Variants in ENTREP2 observed in about 807,000 individuals in gnomAD.
The protein encoded by ENTREP2 is endosomal transmembrane epsin interactor 2.
the ENTREP2 span, among the ~76,000 whole-genome samples, chr15:29,310,387 C>T: frequency 7.9e-5 from 12 of 152,282 alleles, no homozygotes; most frequent in South Asian, 2.1e-3. Context: ...GGACGGATGA[C>T]GCTCACTGGA....
the ENTREP2 span, among the ~76,000 whole-genome samples, chr15:29,490,867 G>T: frequency 2.2e-4 from 33 of 152,328 alleles, no homozygotes; most frequent in African/African-American, 7.7e-4. Context: ...CACTCCAGGC[G>T]CCTGCTCTCC....
the ENTREP2 span, among the ~76,000 whole-genome samples, chr15:29,409,304 A>T: frequency 2.0e-5 from 3 of 151,860 alleles, no homozygotes; most frequent in Non-Finnish European, 4.4e-5. Context: ...CATTGTTTTC[A>T]TATTATACTC....
chr15:29,226,440 G>A, the ENTREP2 span, among the ~76,000 whole-genome samples: 1 of 152,128 alleles, frequency 6.6e-6, no homozygotes, highest in African/African-American at 2.4e-5. Context: ...TCATGACAAC[G>A]CACAAATAGC....
the ENTREP2 span, among the ~76,000 whole-genome samples, chr15:29,322,964 A>G: frequency 8.7e-4 from 133 of 152,358 alleles, 1 homozygote; most frequent in African/African-American, 3.1e-3. Context: ...CGGTAATAAT[A>G]GTCAACATCT....
the ENTREP2 span, among the ~76,000 whole-genome samples, chr15:29,420,162 T>G: frequency 6.6e-6 from 1 of 152,206 alleles, no homozygotes; most frequent in Non-Finnish European, 1.5e-5. Context: ...AATGGGCACC[T>G]CTGGAAGTGG....
the ENTREP2 span, among the ~76,000 whole-genome samples, chr15:29,531,488 T>C: frequency 6.6e-6 from 1 of 152,044 alleles, no homozygotes; most frequent in Non-Finnish European, 1.5e-5. Context: ...GGGCAGAACA[T>C]GAAGGGCAGC....
the ENTREP2 span, among the ~76,000 whole-genome samples, chr15:29,221,572 TGGCACTCCTGA>T: frequency 6.6e-6 from 1 of 152,142 alleles, no homozygotes; most frequent in Non-Finnish European, 1.5e-5. Context: ...AAAATAAGAC[TGGCACTCCTGA>T]GGCACTCTTA....
At chr15:29,155,908 T>C in the ENTREP2 span, among the ~76,000 whole-genome samples, 684 of 152,176 alleles carry the variant, frequency 4.5e-3, 7 homozygotes, top group African/African-American at 0.015. Flanking sequence ...TTGTTTGCGT[T>C]TTCTAATGTT....
the ENTREP2 span, among the ~76,000 whole-genome samples, chr15:29,390,088 C>G: frequency 2.0e-5 from 3 of 152,172 alleles, no homozygotes; most frequent in African/African-American, 4.8e-5. Flanking sequence ...CCTGGAGAGG[C>G]CAGCTCTGGC....
chr15:29,421,424 AATCAAAG>A, the ENTREP2 span, among the ~76,000 whole-genome samples: 1 of 152,236 alleles, frequency 6.6e-6, no homozygotes, highest in African/African-American at 2.4e-5. Flanking sequence ...ACAACCAATT[AATCAAAG>A]ATAGCAGAAT....
chr15:29,389,103 T>TA, the ENTREP2 span, among the ~76,000 whole-genome samples: 66 of 150,542 alleles, frequency 4.4e-4, no homozygotes, highest in African/African-American at 1.6e-3. Context: ...CCCTAGAACT[T>TA]AAAGTATAAT....
At chr15:29,672,941 T>A in the ENTREP2 span, among the ~76,000 whole-genome samples, 1 of 152,106 alleles carries the variant, frequency 6.6e-6, no homozygotes, top group African/African-American at 2.4e-5. Context: ...CATGAGCTGC[T>A]CGAGGGAGTA....
the ENTREP2 span, among the ~76,000 whole-genome samples, chr15:29,243,143 A>C: frequency 6.6e-6 from 1 of 152,212 alleles, no homozygotes; most frequent in Admixed American, 6.5e-5. Flanking sequence ...GAACACACAC[A>C]CACAGACACA....
the ENTREP2 span, among the ~76,000 whole-genome samples, chr15:29,262,901 C>G: frequency 1.3e-5 from 2 of 152,072 alleles, no homozygotes; most frequent in African/African-American, 4.8e-5. Flanking sequence ...TGGAGGACAC[C>G]CAGCTGGTAT....
the ENTREP2 span, among the ~76,000 whole-genome samples, chr15:29,472,428 A>AACACACACACAC: frequency 8.3e-3 from 1,173 of 140,680 alleles, 10 homozygotes; most frequent in East Asian, 0.015. Context: ...CACAACACAC[A>AACACACACACAC]ACACACACAC....
chr15:29,212,969 A>C, the ENTREP2 span, among the ~76,000 whole-genome samples: 1 of 152,208 alleles, frequency 6.6e-6, no homozygotes, highest in Non-Finnish European at 1.5e-5. Flanking sequence ...GATTTTGTAT[A>C]AGGTGTAAGG....
the ENTREP2 span, among the ~76,000 whole-genome samples, chr15:29,596,696 C>T: frequency 6.6e-6 from 1 of 151,906 alleles, no homozygotes; most frequent in Non-Finnish European, 1.5e-5. Flanking sequence ...TAGACAGATT[C>T]TTGCTCTGTT....
At chr15:29,246,152 G>A in the ENTREP2 span, among the ~76,000 whole-genome samples, 1 of 152,186 alleles carries the variant, frequency 6.6e-6, no homozygotes, top group South Asian at 2.1e-4. Flanking sequence ...AGCACTTTGG[G>A]AGGCCAAGGC....
the ENTREP2 span, among the ~76,000 whole-genome samples, chr15:29,226,013 C>A: frequency 2.0e-5 from 3 of 152,198 alleles, no homozygotes; most frequent in African/African-American, 4.8e-5. Flanking sequence ...CACAGCCCCC[C>A]ACGTCTTTCT....
Sources: gnomAD v4.1 joint callset for allele counts (sites outside exome capture counted in the v4.1 genomes callset) on GRCh38, gnomAD v4.1.1 for gene constraint, MANE v1.5 for transcripts, NCBI Gene and HGNC (gene_info 2026-07-23, HGNC 2026-07-21) for gene names.